CIRSR: variants seen among roughly 807,000 people sequenced by gnomAD.
CIRSR encodes CBF1 (RBPJ) interacting corepressor 1.
chr2:174,384,340 A>G, the CIRSR span, among the ~76,000 whole-genome samples: 1 of 152,240 alleles, frequency 6.6e-6, no homozygotes, highest in Admixed American at 6.5e-5. Flanking sequence ...CACAGAAAGT[A>G]GAATGGTGGT....
chr2:174,392,957 T>C, the CIRSR span, among the ~76,000 whole-genome samples: 2 of 152,142 alleles, frequency 1.3e-5, no homozygotes, highest in South Asian at 4.1e-4. Context: ...TGTGATTGCT[T>C]GGGGCAAGCA....
chr2:174,377,416 T>C, the CIRSR span, among the ~76,000 whole-genome samples: 3 of 152,168 alleles, frequency 2.0e-5, no homozygotes, highest in Non-Finnish European at 4.4e-5. Flanking sequence ...GGGGTATCAG[T>C]GGGATGTTCT....
the CIRSR span, chr2:174,381,596 G>A: frequency 1.4e-6 from 1 of 724,264 alleles, no homozygotes; most frequent in Non-Finnish European, 2.3e-6. Context: ...GATGGAGGTT[G>A]TAGTGTGCTG....
the CIRSR span, among the ~76,000 whole-genome samples, chr2:174,379,739 T>A: frequency 5.4e-3 from 735 of 136,022 alleles, 3 homozygotes; most frequent in African/African-American, 0.018. Context: ...TTTTTTTTTT[T>A]TTGAGATGGA....
At chr2:174,354,694 TAC>T in the CIRSR span, among the ~76,000 whole-genome samples, 54 of 97,382 alleles carry the variant, frequency 5.5e-4, no homozygotes, top group Non-Finnish European at 8.6e-4. Context: ...TATTATATAA[TAC>T]ATATATTATA....
the CIRSR span, among the ~76,000 whole-genome samples, chr2:174,352,329 C>G: frequency 6.6e-5 from 10 of 152,126 alleles, 1 homozygote; most frequent in African/African-American, 2.4e-4. Context: ...GGGTTGCTAA[C>G]AAGCAGTTTT....
the CIRSR span, among the ~76,000 whole-genome samples, chr2:174,360,274 A>C: frequency 6.6e-6 from 1 of 152,236 alleles, no homozygotes; most frequent in Admixed American, 6.5e-5. Flanking sequence ...AGTACTTGAG[A>C]GAGCTTGTTT....
At chr2:174,378,327 G>A in the CIRSR span, among the ~76,000 whole-genome samples, 2 of 152,156 alleles carry the variant, frequency 1.3e-5, no homozygotes, top group Non-Finnish European at 2.9e-5. Context: ...ACAGGTTAGG[G>A]TTGGATTATT....
the CIRSR span, among the ~76,000 whole-genome samples, chr2:174,376,947 G>A: frequency 6.6e-6 from 1 of 152,086 alleles, no homozygotes. Context: ...TAACTATTCA[G>A]TTAGCACAAG....
At chr2:174,350,374 C>T in the CIRSR span, among the ~76,000 whole-genome samples, 1 of 152,148 alleles carries the variant, frequency 6.6e-6, no homozygotes, top group Non-Finnish European at 1.5e-5. Context: ...CGAAGATACA[C>T]ACAAATCTAT....
At chr2:174,354,416 TA>T in the CIRSR span, among the ~76,000 whole-genome samples, 93 of 81,602 alleles carry the variant, frequency 1.1e-3, 2 homozygotes, top group Non-Finnish European at 1.8e-3. Context: ...ATATTATATA[TA>T]ATATATATTA....
At chr2:174,356,893 T>C in the CIRSR span, among the ~76,000 whole-genome samples, 1 of 152,222 alleles carries the variant, frequency 6.6e-6, no homozygotes, top group Non-Finnish European at 1.5e-5. Flanking sequence ...TTTGTCATTC[T>C]TGTCTTAGCT....
chr2:174,359,253 T>TGGC, the CIRSR span, among the ~76,000 whole-genome samples: 4 of 151,840 alleles, frequency 2.6e-5, no homozygotes, highest in African/African-American at 7.3e-5. Context: ...CAATGCTCTG[T>TGGC]ATCTTGTCAG....
chr2:174,377,242 A>G, the CIRSR span, among the ~76,000 whole-genome samples: 1 of 152,246 alleles, frequency 6.6e-6, no homozygotes, highest in Non-Finnish European at 1.5e-5. Flanking sequence ...TGACTAAAAA[A>G]GAAGTGGTCA....
the CIRSR span, among the ~76,000 whole-genome samples, chr2:174,375,617 C>T: frequency 6.6e-6 from 1 of 152,006 alleles, no homozygotes; most frequent in Non-Finnish European, 1.5e-5. Flanking sequence ...CAAAAAAAAC[C>T]AAAAAACAAA....
At chr2:174,351,688 C>T in the CIRSR span, 1 of 1,613,770 alleles carries the variant, frequency 6.2e-7, no homozygotes, top group Non-Finnish European at 8.5e-7. Flanking sequence ...CACTGTTTCT[C>T]ATCTCCGCTA....
At chr2:174,359,635 T>C in the CIRSR span, among the ~76,000 whole-genome samples, 1 of 152,176 alleles carries the variant, frequency 6.6e-6, no homozygotes, top group Non-Finnish European at 1.5e-5. Flanking sequence ...GTTCAACCAC[T>C]GTGGAAGACA....
chr2:174,381,392 C>G, the CIRSR span, among the ~76,000 whole-genome samples: 2 of 152,066 alleles, frequency 1.3e-5, no homozygotes, highest in Non-Finnish European at 2.9e-5. Context: ...CGGTGGCTCA[C>G]GCTTGTAATC....
chr2:174,363,149 CAT>C, the CIRSR span, among the ~76,000 whole-genome samples: 1 of 152,176 alleles, frequency 6.6e-6, no homozygotes, highest in African/African-American at 2.4e-5. Flanking sequence ...CTGAGAAGCA[CAT>C]GTGAAGGTTA....
Sources: allele counts gnomAD v4.1 joint callset (sites outside exome capture counted in the v4.1 genomes callset), GRCh38; gene constraint gnomAD v4.1.1; transcripts MANE v1.5; gene names NCBI Gene and HGNC (gene_info 2026-07-23, HGNC 2026-07-21).